The following GRM5 variants were observed in gnomAD, a reference collection of about 807,000 sequenced individuals.
GRM5 encodes the protein glutamate metabotropic receptor 5, also known as metabotropic glutamate receptor 5.
GRM5 carries 19 observed loss-of-function variants against 83.1 expected under a neutral mutation model. That is an observed-to-expected ratio of 0.23 (90% confidence interval 0.16 to 0.34). The LOEUF (loss-of-function observed/expected upper bound fraction) is 0.34, where lower values mean the gene tolerates loss of function less well. GRM5 is among the 10% of genes least tolerant of loss of function. GRM5 has a pLI of 1.00. For missense variants in GRM5, 1,160 were observed against 1,588.3 expected, an observed-to-expected ratio of 0.73 and a Z score of 4.58; for synonymous variants, 675 against 633.6, an observed-to-expected ratio of 1.07 and a Z score of -0.98.
chr11:88,808,174 A>T (rs560774265), intron 3 of GRM5, among the ~76,000 whole-genome samples: 23 of 152,114 alleles, frequency 1.5e-4, no homozygotes, highest in South Asian at 1.2e-3. Flanking sequence ...ATGCACAGAC[A>T]TGTGTATTTA....
intron 2 of GRM5, among the ~76,000 whole-genome samples, chr11:89,026,440 A>G (rs2135117808): frequency 6.6e-6 from 1 of 152,336 alleles, no homozygotes; most frequent in East Asian, 1.9e-4. Flanking sequence ...CTTCTTTAGC[A>G]TCTGCATTTG....
intron 3 of GRM5, among the ~76,000 whole-genome samples, chr11:88,700,284 T>C (rs769428254): frequency 3.9e-5 from 6 of 152,082 alleles, no homozygotes; most frequent in African/African-American, 1.2e-4. Context: ...ACAGGAGGTA[T>C]CAAACAACCA....
chr11:88,997,898 T>A (rs1940242264), intron 2 of GRM5, among the ~76,000 whole-genome samples: 2 of 152,174 alleles, frequency 1.3e-5, no homozygotes, highest in Non-Finnish European at 1.5e-5. Context: ...AAATATATTT[T>A]ATACATTCTC....
intron 3 of GRM5, among the ~76,000 whole-genome samples, chr11:88,848,095 C>G (rs1336056382): frequency 6.6e-6 from 1 of 151,806 alleles, no homozygotes; most frequent in Non-Finnish European, 1.5e-5. Context: ...GATTTTTTTT[C>G]TTTTCTGTTA....
intron 2 of GRM5, among the ~76,000 whole-genome samples, chr11:88,890,686 G>A (rs1050038283): frequency 6.6e-6 from 1 of 152,100 alleles, no homozygotes; most frequent in Non-Finnish European, 1.5e-5. Context: ...TATACTGCCT[G>A]ATTTTCAGAT....
intron 3 of GRM5, among the ~76,000 whole-genome samples, chr11:88,794,923 C>T (rs1196501213): frequency 6.6e-6 from 1 of 152,182 alleles, no homozygotes; most frequent in Non-Finnish European, 1.5e-5. Flanking sequence ...GGCTGTAAAG[C>T]CCAGAGATCT....
intron 7 of GRM5, among the ~76,000 whole-genome samples, chr11:88,572,095 A>G (rs1943015416): frequency 6.6e-6 from 1 of 152,220 alleles, no homozygotes. Context: ...CATGGGAATG[A>G]TATCTAGCTC....
intron 1 of GRM5, among the ~76,000 whole-genome samples, chr11:89,049,166 A>G (rs1437405714): frequency 3.9e-5 from 6 of 152,176 alleles, no homozygotes; most frequent in Non-Finnish European, 2.9e-5. Context: ...CCTGATCCAG[A>G]AAAACATTCC....
intron 2 of GRM5, among the ~76,000 whole-genome samples, chr11:88,994,296 T>C (rs1442107137): frequency 6.6e-6 from 1 of 151,358 alleles, no homozygotes; most frequent in Non-Finnish European, 1.5e-5. Context: ...TGTTAAAATG[T>C]TAATATTACT....
chr11:88,986,727 C>CA (rs370487040), intron 2 of GRM5, among the ~76,000 whole-genome samples: 1 of 93,116 alleles, frequency 1.1e-5, no homozygotes, highest in Non-Finnish European at 2.0e-5. Flanking sequence ...TTTATTTTTG[C>CA]TTTTTTTTTT....
intron 1 of GRM5, among the ~76,000 whole-genome samples, chr11:89,054,291 AAG>A (rs1329371441): frequency 6.6e-6 from 1 of 152,198 alleles, no homozygotes; most frequent in African/African-American, 2.4e-5. Context: ...ATGTTGGAGA[AAG>A]AGAAAAATCA....
chr11:88,985,279 T>A (rs936780717), intron 2 of GRM5, among the ~76,000 whole-genome samples: 1 of 152,152 alleles, frequency 6.6e-6, no homozygotes, highest in Non-Finnish European at 1.5e-5. Context: ...CCCCAGACTC[T>A]GGCAAATTTT....
chr11:88,723,977 A>C (rs903342942), intron 3 of GRM5, among the ~76,000 whole-genome samples: 1 of 152,156 alleles, frequency 6.6e-6, no homozygotes, highest in African/African-American at 2.4e-5. Context: ...CCATTACCTA[A>C]ATAGTGAACA....
Position 88,539,573 on chromosome 11 carries a change from T to C in GRM5, c.2631-14169A>G, listed in dbSNP as rs182574166. Among the ~76,000 whole-genome samples the C allele has an allele frequency of 1.4e-4, 21 of 152,350 alleles. No individual in the cohort carries two copies. The East Asian group carries it at 4.1e-3, about 29-fold the overall frequency. ...CAGGCAGGCTTCTCCCAGATAGCTC[T>C]GATACAAAATATTTGTCCTGTTTCC... On this transcript the variant is annotated intron_variant, in intron 8 of 9. Coordinates refer to ENST00000305447, the MANE Select transcript of GRM5 (RefSeq NM_001143831.3).
At chr11:88,766,576 A>G (rs1942628383) in intron 3 of GRM5, among the ~76,000 whole-genome samples, 1 of 152,068 alleles carries the variant, frequency 6.6e-6, no homozygotes, top group Non-Finnish European at 1.5e-5. Flanking sequence ...AAAGACTTCA[A>G]TGTAAAATCC....
Position 88,958,858 on chromosome 11 carries a change from T to C in GRM5, c.661+88354A>G, listed in dbSNP as rs565596368. On this transcript the variant is annotated intron_variant, in intron 2 of 9. Coordinates refer to ENST00000305447, the MANE Select transcript of GRM5 (RefSeq NM_001143831.3). ...TTTTATTGAAAATTGTATATTTCCA[T>C]AGAAAATATAGAAATATTTTTAGTG... Among the ~76,000 whole-genome samples, 4 of 152,304 alleles carry C rather than the reference T, an allele frequency of 2.6e-5. No homozygotes were observed. In the East Asian group the frequency reaches 7.7e-4, roughly 29 times the overall value.
intron 3 of GRM5, among the ~76,000 whole-genome samples, chr11:88,666,274 T>A (rs1167213716): frequency 6.6e-6 from 1 of 152,176 alleles, no homozygotes; most frequent in Non-Finnish European, 1.5e-5. Context: ...TTTATTCTAT[T>A]TTTTATTCGG....
chr11:88,671,111 G>C (rs899333428), intron 3 of GRM5, among the ~76,000 whole-genome samples: 1 of 151,698 alleles, frequency 6.6e-6, no homozygotes, highest in African/African-American at 2.4e-5. Flanking sequence ...AGTGGGTAAG[G>C]TCAGCACGAC....
intron 2 of GRM5, among the ~76,000 whole-genome samples, chr11:89,039,791 C>G (rs1941485080): frequency 1.3e-5 from 2 of 152,130 alleles, no homozygotes; most frequent in Non-Finnish European, 2.9e-5. Flanking sequence ...GGGCTACTCT[C>G]CTTTGAACAG....
Sources: allele counts gnomAD v4.1 joint callset (sites outside exome capture counted in the v4.1 genomes callset), GRCh38; gene constraint gnomAD v4.1.1; transcripts MANE v1.5; gene names NCBI Gene and HGNC (gene_info 2026-07-23, HGNC 2026-07-21).